Variants in NRXN1 observed in about 807,000 individuals in gnomAD.
NRXN1 encodes neurexin-1.
Under a neutral mutation model 150.9 loss-of-function variants are expected in NRXN1, and 39 were observed. That is an observed-to-expected ratio of 0.26 (90% CI 0.20 to 0.34). The LOEUF (loss-of-function observed/expected upper bound fraction) is 0.34, where lower values mean the gene tolerates loss of function less well. NRXN1 is among the 10% of genes least tolerant of loss of function. NRXN1 has a pLI of 1.00. For synonymous variants in NRXN1, 924 were observed against 757.0 expected, an observed-to-expected ratio of 1.22 and a Z score of -3.62; for missense variants, 1,815 against 1,949.9, an observed-to-expected ratio of 0.93 and a Z score of 1.30.
intron 5 of NRXN1, among the ~76,000 whole-genome samples, chr2:50,800,531 T>C (rs941053282): frequency 2.4e-4 from 36 of 152,292 alleles, no homozygotes; most frequent in African/African-American, 8.2e-4. Flanking sequence ...ATGGAATAGC[T>C]ATAAAATGAA....
At chr2:50,632,539 G>A (rs1478884098) in intron 5 of NRXN1, 3 of 152,044 alleles carry the variant, frequency 2.0e-5, no homozygotes, top group Admixed American at 6.6e-5. Context: ...AGGCCCCCTC[G>A]ACCCCAACTT....
At chr2:50,458,026 T>G (rs976588559) in intron 17 of NRXN1, among the ~76,000 whole-genome samples, 4 of 152,146 alleles carry the variant, frequency 2.6e-5, no homozygotes, top group East Asian at 3.9e-4. Context: ...AAGAGATAAT[T>G]GCATTCCCAT....
intron 5 of NRXN1, among the ~76,000 whole-genome samples, chr2:50,626,843 A>T (rs961781619): frequency 6.6e-6 from 1 of 151,962 alleles, no homozygotes; most frequent in African/African-American, 2.4e-5. Context: ...CTTCCTATTA[A>T]TCAACAAAGG....
intron 2 of NRXN1, among the ~76,000 whole-genome samples, chr2:50,974,199 A>G (rs898767855): frequency 6.6e-6 from 1 of 152,156 alleles, no homozygotes; most frequent in Admixed American, 6.6e-5. Flanking sequence ...TATTTCAATA[A>G]AAGTTATAGT....
Position 50,321,035 on chromosome 2 carries a change from C to T in NRXN1, c.3365-84065G>A, listed in dbSNP as rs74785810. Reference sequence around the variant, plus strand: ...CCAGGCATTCAGGATTGATTATTAACAACTGGAAAGCTGAGGAAGCAAAGA... The same window carrying T: ...CCAGGCATTCAGGATTGATTATTAATAACTGGAAAGCTGAGGAAGCAAAGA... On this transcript the variant is annotated intron_variant, in intron 17 of 22. Coordinates refer to ENST00000401669, the MANE Select transcript of NRXN1 (RefSeq NM_001330078.2). 4.4e-3 allele frequency among the ~76,000 whole-genome samples: 671 copies of T among 152,236 alleles called. 5 individuals carry two copies. Among genetic ancestry groups the T allele is most frequent in the East Asian group, 0.039 (200 of 5,162 alleles).
At chr2:50,735,759 C>T (rs952665133) in intron 5 of NRXN1, among the ~76,000 whole-genome samples, 4 of 152,186 alleles carry the variant, frequency 2.6e-5, no homozygotes, top group African/African-American at 9.7e-5. Context: ...TATTCACCTA[C>T]CTATTTGACA....
intron 21 of NRXN1, chr2:49,974,110 T>C (rs1237657810): frequency 1.4e-6 from 1 of 716,344 alleles, no homozygotes; most frequent in African/African-American, 1.7e-5. Context: ...GAGAGCTCCC[T>C]GACTCAGTGG....
At chr2:50,130,586 T>A (rs1453402046) in intron 18 of NRXN1, among the ~76,000 whole-genome samples, 9 of 152,192 alleles carry the variant, frequency 5.9e-5, no homozygotes, top group Admixed American at 5.9e-4. Context: ...TATTCTATAT[T>A]CTGCCTCTAT....
intron 17 of NRXN1, among the ~76,000 whole-genome samples, chr2:50,303,067 C>T (rs977048199): frequency 1.3e-5 from 2 of 152,130 alleles, no homozygotes; most frequent in South Asian, 2.1e-4. Flanking sequence ...TAGAACACCA[C>T]GCTTGAGTCA....
Position 50,796,887 on chromosome 2 carries a change from T to C in NRXN1, c.832+124982A>G, listed in dbSNP as rs541705608. ...GTTCTCAGTTTTGGAAACTAGGAAA[T>C]CCAAGATCAAGGCACCAGCAAAGTT... On this transcript the variant is annotated intron_variant, in intron 5 of 22. Coordinates refer to ENST00000401669, the MANE Select transcript of NRXN1 (RefSeq NM_001330078.2). Among the ~76,000 whole-genome samples, 268 of 152,236 alleles carry C rather than the reference T, an allele frequency of 1.8e-3. 1 individual carries two copies. The highest frequency in any genetic ancestry group is 2.9e-3 in the Non-Finnish European group (194 of 68,006).
chr2:50,914,115 C>A (rs1317612186), intron 5 of NRXN1, among the ~76,000 whole-genome samples: 1 of 151,668 alleles, frequency 6.6e-6, no homozygotes, highest in Non-Finnish European at 1.5e-5. Flanking sequence ...AGATTTCCTA[C>A]CATTGTAGTT....
chr2:50,299,982 C>CT (rs1350476987), intron 17 of NRXN1, among the ~76,000 whole-genome samples: 1 of 152,064 alleles, frequency 6.6e-6, no homozygotes, highest in Non-Finnish European at 1.5e-5. Flanking sequence ...AGAACAGAGC[C>CT]TATCAAATGG....
At chr2:50,376,469 C>G (rs1004315507) in intron 17 of NRXN1, among the ~76,000 whole-genome samples, 1 of 151,916 alleles carries the variant, frequency 6.6e-6, no homozygotes, top group Non-Finnish European at 1.5e-5. Flanking sequence ...CATGGATATA[C>G]TCAAACATTG....
intron 18 of NRXN1, among the ~76,000 whole-genome samples, chr2:50,108,551 G>A (rs1701971163): frequency 6.6e-6 from 1 of 151,980 alleles, no homozygotes; most frequent in Admixed American, 6.5e-5. Context: ...TCAAAATTGA[G>A]AAATCTATTA....
chr2:50,652,196 T>C (rs1415065501), intron 5 of NRXN1, among the ~76,000 whole-genome samples: 2 of 152,078 alleles, frequency 1.3e-5, no homozygotes, highest in East Asian at 3.9e-4. Context: ...ACCTCCAGGC[T>C]TCTATATTCA....
chr2:50,188,082 C>A (rs1000884037), intron 18 of NRXN1, among the ~76,000 whole-genome samples: 1 of 151,972 alleles, frequency 6.6e-6, no homozygotes, highest in Non-Finnish European at 1.5e-5. Context: ...TTTCTCTTGC[C>A]TGACTGCCCT....
At chr2:50,090,658 C>T (rs1699433723) in intron 19 of NRXN1, among the ~76,000 whole-genome samples, 1 of 152,202 alleles carries the variant, frequency 6.6e-6, no homozygotes, top group Non-Finnish European at 1.5e-5. Flanking sequence ...AACTCATTCA[C>T]AATAAACAAG....
At chr2:50,098,698 G>A (rs753406982) in intron 18 of NRXN1, among the ~76,000 whole-genome samples, 2 of 152,056 alleles carry the variant, frequency 1.3e-5, no homozygotes, top group South Asian at 4.1e-4. Flanking sequence ...GACCAATTTG[G>A]TGGGGCATTC....
chr2:50,213,839 T>C (rs911421131), intron 18 of NRXN1, among the ~76,000 whole-genome samples: 4 of 151,900 alleles, frequency 2.6e-5, no homozygotes, highest in East Asian at 3.9e-4. Context: ...ATTTAAAAAG[T>C]GTGACAAGCA....
Sources: allele counts gnomAD v4.1 joint callset (sites outside exome capture counted in the v4.1 genomes callset), GRCh38; gene constraint gnomAD v4.1.1; transcripts MANE v1.5; gene names NCBI Gene and HGNC (gene_info 2026-07-23, HGNC 2026-07-21).